The following MBTD1 variants were observed in gnomAD, a reference collection of about 807,000 sequenced individuals.
The protein encoded by MBTD1 is MBT domain-containing protein 1.
A neutral mutation model predicts 87.8 loss-of-function variants in MBTD1; 24 were observed. That is an observed-to-expected ratio of 0.27 (90% CI 0.20 to 0.38). The LOEUF is 0.38. Among genes scored for constraint, MBTD1 ranks in the 10% least tolerant of loss-of-function variants. MBTD1 has a pLI of 1.00. For synonymous variants in MBTD1, 237 were observed against 248.6 expected (o/e 0.95, Z 0.44); for missense variants, 436 against 760.2 (o/e 0.57, Z 5.02).
At chr17:51,232,929 G>A (rs756612167) in intron 2 of MBTD1, among the ~76,000 whole-genome samples, 5 of 151,768 alleles carry the variant, frequency 3.3e-5, no homozygotes, top group Non-Finnish European at 7.4e-5. Context: ...GTATGTGCTT[G>A]TGGTCCCAGC....
rs758885098 is a variant in MBTD1 at position 51,207,014 on chromosome 17, T to G, written c.487-9A>C. ...CAGGTCCCCATAGGTGCCTGTCACA[T>G]AAAAATCATTAAATTATTGTCTTAT... On this transcript the variant is annotated splice_polypyrimidine_tract_variant and intron_variant, in intron 6 of 16. Transcript: ENST00000586178. 4.2e-6 allele frequency: 6 copies of G among 1,423,078 alleles called. No homozygotes were observed. The highest frequency in any genetic ancestry group is 6.0e-6 in the Non-Finnish European group (6 of 1,007,948). The allele number at this position is 1,423,078 out of a possible 1,614,324, so 88.2% of individuals were successfully genotyped here.
chr17:51,260,809 G>A (rs1328903216), upstream of MBTD1: 1 of 1,587,580 alleles, frequency 6.3e-7, no homozygotes, highest in Non-Finnish European at 8.6e-7. Flanking sequence ...TCCGGCAGCG[G>A]AACCGCCTGA....
At chr17:51,234,400 CAAAAAAA>C (rs71149356) in intron 2 of MBTD1, among the ~76,000 whole-genome samples, 6 of 68,676 alleles carry the variant, frequency 8.7e-5, no homozygotes, top group African/African-American at 2.9e-4. Context: ...TCCCCGTCTC[CAAAAAAA>C]AAAAAAAAAA....
rs2051642195 is a variant in MBTD1 at position 51,203,875 on chromosome 17, C to T, written c.655G>A (p.Asp219Asn). The T allele has an allele frequency of 6.2e-7, 1 of 1,613,062 alleles. No homozygotes were observed. Among genetic ancestry groups the T allele is most frequent in the Non-Finnish European group, 8.5e-7 (1 of 1,179,714 alleles). Residue 219 changes from aspartate (D) to asparagine (N), a missense_variant, in exon 8 of 17, where the codon GAC (aspartate) becomes AAC (asparagine). Around this residue, in one of 5 missense-constraint regions of MBTD1, gnomAD observed 268 missense variants for 401.8 expected, o/e 0.67. Transcript: ENST00000586178. ...YEGFENDSGL[D>N]FWCNICGSDI... ...GAACCACATATATTGCACCAGAAGT[C>T]CAGACCAGAGTCATTTTCAAATCCT...
At chr17:51,207,711 T>C (rs953564285) in intron 6 of MBTD1, among the ~76,000 whole-genome samples, 1 of 152,184 alleles carries the variant, frequency 6.6e-6, no homozygotes, top group African/African-American at 2.4e-5. Context: ...GGAAAATCAA[T>C]TAAATGAGCA....
chr17:51,246,488 T>C (rs1392243241), intron 2 of MBTD1, among the ~76,000 whole-genome samples: 3 of 152,346 alleles, frequency 2.0e-5, no homozygotes, highest in African/African-American at 7.2e-5. Flanking sequence ...TCTTAACTGG[T>C]TATTTTCTCA....
chr17:51,203,447 C>T (rs957182986), intron 8 of MBTD1, among the ~76,000 whole-genome samples: 5 of 152,138 alleles, frequency 3.3e-5, no homozygotes, highest in Admixed American at 2.0e-4. Context: ...TGGAGTCTCG[C>T]TCTGTTGCCC....
At chr17:51,250,028 G>C (rs183572783) in intron 2 of MBTD1, 1 of 151,780 alleles carries the variant, frequency 6.6e-6, no homozygotes, top group Non-Finnish European at 1.5e-5. Context: ...CTGAGTAGTT[G>C]GGACTACAGG....
chr17:51,259,214 G>C lies in MBTD1; in HGVS notation c.-112-8C>G. On this transcript the variant is annotated splice_region_variant and splice_polypyrimidine_tract_variant and intron_variant, in intron 1 of 16. Transcript: ENST00000586178. ...CTAATGTCTCTTCCGACTCTGAAAT[G>C]TTAGGATTCTTATTTCACAAAGGAG... 8.2e-7 allele frequency: 1 copy of C among 1,221,076 alleles called. No individual in the cohort carries two copies. The highest frequency in any genetic ancestry group is 1.0e-6 in the Non-Finnish European group (1 of 977,918). 75.6% of individuals were successfully genotyped at this position (1,221,076 alleles called of 1,614,324 possible).
chr17:51,194,469 G>A (rs927186910), intron 13 of MBTD1, among the ~76,000 whole-genome samples: 1 of 150,060 alleles, frequency 6.7e-6, no homozygotes, highest in Non-Finnish European at 1.5e-5. Context: ...ACTTGGGAGA[G>A]GAGGCACAAG....
At chr17:51,184,239 C>T (rs1235738362) in intron 16 of MBTD1, 2 of 152,192 alleles carry the variant, frequency 1.3e-5, no homozygotes, top group Non-Finnish European at 2.9e-5. Context: ...CAGGCCTTCT[C>T]AATAAATGAT....
intron 4 of MBTD1, 117 bp downstream of exon 4, chr17:51,220,213 A>G: frequency 2.0e-6 from 2 of 1,003,796 alleles, no homozygotes; most frequent in South Asian, 2.4e-5. Flanking sequence ...AAGATGTGGT[A>G]TAAAACCATA....
chr17:51,183,626 T>G (rs1171876296), intron 16 of MBTD1: 1 of 152,262 alleles, frequency 6.6e-6, no homozygotes, highest in Non-Finnish European at 1.5e-5. Context: ...CCCATCAGAC[T>G]GTTCAAAGGT....
At chr17:51,193,901 G>A (rs1316096829) in intron 13 of MBTD1, among the ~76,000 whole-genome samples, 2 of 152,114 alleles carry the variant, frequency 1.3e-5, no homozygotes, top group Non-Finnish European at 2.9e-5. Flanking sequence ...GATTATTGGC[G>A]TGAGCCACTG....
intron 7 of MBTD1, among the ~76,000 whole-genome samples, chr17:51,204,728 C>T (rs1343310185): frequency 7.9e-5 from 12 of 151,962 alleles, no homozygotes; most frequent in Non-Finnish European, 1.6e-4. Context: ...CTCGAACTCT[C>T]AACCTCAGGT....
intron 7 of MBTD1, 54 bp from the exon 8 acceptor site, chr17:51,203,979 A>C (rs374516221): frequency 1.4e-6 from 2 of 1,405,178 alleles, no homozygotes; most frequent in African/African-American, 2.9e-5. Flanking sequence ...TAAATAAAAC[A>C]ATACAGCATC....
chr17:51,206,630 T>C (rs1260326392), intron 7 of MBTD1, among the ~76,000 whole-genome samples: 1 of 152,208 alleles, frequency 6.6e-6, no homozygotes, highest in Non-Finnish European at 1.5e-5. Flanking sequence ...AACACAATCA[T>C]GTCCATTTGT....
chr17:51,205,916 A>G (rs2051796120), intron 7 of MBTD1, among the ~76,000 whole-genome samples: 1 of 152,170 alleles, frequency 6.6e-6, no homozygotes, highest in African/African-American at 2.4e-5. Context: ...AGAGAGTGGG[A>G]GGAGTTAAAA....
chr17:51,230,217 T>C (rs890852707), intron 2 of MBTD1, among the ~76,000 whole-genome samples: 1 of 152,086 alleles, frequency 6.6e-6, no homozygotes, highest in Non-Finnish European at 1.5e-5. Context: ...AAAAGAAAAG[T>C]TCTAATAGCA....
Sources: allele counts gnomAD v4.1 joint callset (sites outside exome capture counted in the v4.1 genomes callset), GRCh38; gene constraint gnomAD v4.1.1; regional missense constraint gnomAD v4.1.1; transcripts MANE v1.5; gene names NCBI Gene and HGNC (gene_info 2026-07-23, HGNC 2026-07-21).